Variants in TRAPPC12 observed in about 807,000 individuals in gnomAD.
TRAPPC12 encodes the protein TPR repeat protein 15.
In TRAPPC12, 61 loss-of-function variants were observed where a neutral mutation model predicts 69.2. The ratio of observed to expected loss-of-function variants is 0.88; its 90% CI spans 0.72 to 1.09. TRAPPC12 has a LOEUF of 1.09. TRAPPC12 is among the 50% of genes least tolerant of loss of function. TRAPPC12 has a pLI of 0.00. For synonymous variants in TRAPPC12, 469 were observed against 438.9 expected, an observed-to-expected ratio of 1.07 and a Z score of -0.86; for missense variants, 1,101 against 1,016.4, an observed-to-expected ratio of 1.08 and a Z score of -1.13.
At chr2:3,384,070 AT>A (rs1391174449) in intron 1 of TRAPPC12, among the ~76,000 whole-genome samples, 6 of 151,564 alleles carry the variant, frequency 4.0e-5, no homozygotes, top group Non-Finnish European at 5.9e-5. Context: ...TAATTTTTGT[AT>A]ATTTAGTAGA....
At chr2:3,470,257 G>A (rs1326650217) in intron 9 of TRAPPC12, among the ~76,000 whole-genome samples, 1 of 152,282 alleles carries the variant, frequency 6.6e-6, no homozygotes, top group Non-Finnish European at 1.5e-5. Context: ...TCTCTGCGGA[G>A]AAGGCAGATT....
At chr2:3,393,641 C>A in intron 2 of TRAPPC12, among the ~76,000 whole-genome samples, 1 of 149,982 alleles carries the variant, frequency 6.7e-6, no homozygotes, top group Non-Finnish European at 1.5e-5. Context: ...TATTTGTCAA[C>A]TAAATATTCT....
chr2:3,463,582 A>G (rs1271863042), intron 8 of TRAPPC12, among the ~76,000 whole-genome samples: 1 of 150,080 alleles, frequency 6.7e-6, no homozygotes, highest in South Asian at 2.1e-4. Flanking sequence ...GATTATCTTC[A>G]GAAACACTGA....
At chr2:3,471,911 G>C (rs994410196) in intron 9 of TRAPPC12, among the ~76,000 whole-genome samples, 14 of 152,098 alleles carry the variant, frequency 9.2e-5, no homozygotes, top group Admixed American at 8.5e-4. Flanking sequence ...ACAGACGAGG[G>C]GCCTGTGCTT....
In TRAPPC12 at chr2:3,388,648, G is replaced by GC; in HGVS notation, c.1027dup (p.Leu343ProfsTer12). The GC allele has an allele frequency of 6.4e-7, 1 of 1,572,610 alleles. No homozygotes were observed. Among genetic ancestry groups the GC allele is most frequent in the Non-Finnish European group, 8.6e-7 (1 of 1,157,150 alleles). On this transcript the variant is annotated frameshift_variant, in exon 2 of 12. Transcript: ENST00000324266. LOFTEE classifies it high-confidence loss of function. ...GACAAGGAGAACCTCACCATGCCGGGCCTCAGGTTCGACAACATCCAGGTG... is the reference window on the plus strand; with the variant it reads ...GACAAGGAGAACCTCACCATGCCGGGCCCTCAGGTTCGACAACATCCAGGTG...
intron 6 of TRAPPC12, among the ~76,000 whole-genome samples, chr2:3,446,696 C>T (rs1664526464): frequency 6.6e-6 from 1 of 152,246 alleles, no homozygotes; most frequent in African/African-American, 2.4e-5. Context: ...CAATGCGTCT[C>T]CACGCTGTCC....
intron 7 of TRAPPC12, among the ~76,000 whole-genome samples, chr2:3,459,708 C>G (rs111464594): frequency 1.3e-5 from 2 of 152,200 alleles, no homozygotes; most frequent in African/African-American, 4.8e-5. Context: ...GAGTCCCCAG[C>G]GGAATGTGCC....
At position 3,462,171 on chromosome 2, in the gene TRAPPC12, C is replaced by T. The variant is rs1665542577; in HGVS notation, c.1677+1835C>T. 2.6e-5 allele frequency among the ~76,000 whole-genome samples: 4 copies of T among 152,200 alleles called. No homozygotes were observed. The South Asian group carries it at 8.3e-4, about 32-fold the overall frequency. On this transcript the variant is annotated intron_variant, in intron 8 of 11. Transcript: ENST00000324266. ...GCGGGCTTTCATTTGCATTTTAAGA[C>T]ACATTAATAGAAAACGACGGAATGG...
At chr2:3,418,684 A>T (rs1285492698) in intron 3 of TRAPPC12, among the ~76,000 whole-genome samples, 2 of 152,112 alleles carry the variant, frequency 1.3e-5, no homozygotes, top group African/African-American at 4.8e-5. Flanking sequence ...CTCAGGCAGT[A>T]GGGGGTGGGG....
intron 3 of TRAPPC12, among the ~76,000 whole-genome samples, chr2:3,406,851 C>G (rs1661761903): frequency 6.6e-6 from 1 of 152,214 alleles, no homozygotes; most frequent in East Asian, 1.9e-4. Flanking sequence ...ATTTTTTACC[C>G]TCTTTGATCG....
intron 3 of TRAPPC12, among the ~76,000 whole-genome samples, chr2:3,419,295 A>G (rs1473534188): frequency 1.3e-5 from 2 of 152,244 alleles, no homozygotes; most frequent in Non-Finnish European, 2.9e-5. Flanking sequence ...CAGACTTGGC[A>G]CAATCTCTTT....
At position 3,458,404 on chromosome 2, in the gene TRAPPC12, C is replaced by A. The variant is rs1310022405; in HGVS notation, c.1603+711C>A. 4 of 985,866 alleles carry A rather than the reference C, an allele frequency of 4.1e-6. No individual in the cohort carries two copies. In the African/African-American group the frequency reaches 5.2e-5, roughly 13 times the overall value. The allele number at this position is 985,866 out of a possible 1,614,324, so 61.1% of individuals were successfully genotyped here. A position where few individuals can be genotyped will look rare whatever the true frequency, so the allele number is the denominator to read the frequency against. ...CCTGGTCATCTCCTCCTTCCCACAG[C>A]TTCTGTCCTACTCGATGTGCAGCCC... On this transcript the variant is annotated intron_variant, in intron 7 of 11. Coordinates refer to ENST00000324266, the MANE Select transcript of TRAPPC12 (RefSeq NM_016030.6).
At chr2:3,415,068 G>A (rs952059768) in intron 3 of TRAPPC12, among the ~76,000 whole-genome samples, 3 of 152,086 alleles carry the variant, frequency 2.0e-5, no homozygotes, top group African/African-American at 4.8e-5. Flanking sequence ...ACCGGTCCCC[G>A]GCAGATAGAG....
At chr2:3,437,039 C>T (rs866009206) in intron 5 of TRAPPC12, among the ~76,000 whole-genome samples, 842 of 22,506 alleles carry the variant, frequency 0.037, 50 homozygotes, top group Non-Finnish European at 0.056. Context: ...GATTAATACC[C>T]CATCACCCCT....
Position 3,424,679 on chromosome 2 carries a change from T to C in TRAPPC12, c.1417+16T>C, listed in dbSNP as rs112370205. On this transcript the variant is annotated intron_variant, in intron 5 of 11. Transcript: ENST00000324266. Reference sequence around the variant, plus strand: ...GGGCGCAGGGGTAAGGCCATGGTATTTAATATTTGTACATTTGTCTGTGTG... The same window carrying C: ...GGGCGCAGGGGTAAGGCCATGGTATCTAATATTTGTACATTTGTCTGTGTG... 7,767 of 1,569,278 alleles carry C rather than the reference T, an allele frequency of 4.9e-3. 321 individuals are homozygous for C. In the African/African-American group the frequency reaches 0.092, roughly 19 times the overall value.
At chr2:3,422,111 TTC>T (rs1363847242) in intron 4 of TRAPPC12, 117 bp downstream of exon 4, 1 of 780,036 alleles carries the variant, frequency 1.3e-6, no homozygotes, top group Non-Finnish European at 2.1e-6. Flanking sequence ...TCCTGCTTCT[TTC>T]TCTCCTAATT....
At chr2:3,398,578 T>C (rs1661252282) in intron 2 of TRAPPC12, among the ~76,000 whole-genome samples, 1 of 152,246 alleles carries the variant, frequency 6.6e-6, no homozygotes, top group Admixed American at 6.5e-5. Context: ...TTTGTGTCTT[T>C]GGGCTTCCCA....
At chr2:3,381,104 G>A (rs1660186750) in intron 1 of TRAPPC12, among the ~76,000 whole-genome samples, 1 of 152,196 alleles carries the variant, frequency 6.6e-6, no homozygotes, top group East Asian at 1.9e-4. Context: ...GTGATGTTAG[G>A]CAAATCACTT....
intron 5 of TRAPPC12, among the ~76,000 whole-genome samples, chr2:3,432,919 G>C (rs1186386051): frequency 6.6e-6 from 1 of 152,232 alleles, no homozygotes; most frequent in African/African-American, 2.4e-5. Flanking sequence ...GACGCGTACA[G>C]AGGCAGTGAC....
Sources: gnomAD v4.1 joint callset for allele counts (sites outside exome capture counted in the v4.1 genomes callset) on GRCh38, gnomAD v4.1.1 for gene constraint, MANE v1.5 for transcripts, NCBI Gene and HGNC (gene_info 2026-07-23, HGNC 2026-07-21) for gene names.